FUT8: variants seen among roughly 807,000 people sequenced by gnomAD.
FUT8 encodes the protein alpha-(1,6)-fucosyltransferase.
In FUT8, 29 loss-of-function variants were observed where a neutral mutation model predicts 71.3. The ratio of observed to expected loss-of-function variants is 0.41; its 90% CI spans 0.30 to 0.55. FUT8 has a LOEUF of 0.55. FUT8 is among the 20% of genes least tolerant of loss of function. The pLI, the probability that FUT8 is intolerant of heterozygous loss-of-function variation, is 0.34. For synonymous variants in FUT8, 254 were observed against 239.3 expected (o/e 1.06, Z -0.57); for missense variants, 544 against 702.1 (o/e 0.77, Z 2.55).
intron 7 of FUT8, among the ~76,000 whole-genome samples, chr14:65,719,587 T>G (rs1895301780): frequency 6.6e-6 from 1 of 152,194 alleles, no homozygotes; most frequent in South Asian, 2.1e-4. Context: ...TGTACCTGTC[T>G]TAGAAAGGCT....
rs901066716 is a variant in FUT8, at chr14:65,550,408, A to G, written c.-227-10929A>G. Among the ~76,000 whole-genome samples the G allele has an allele frequency of 6.6e-6, 1 of 152,210 alleles. No homozygotes were observed. The highest frequency in any genetic ancestry group is 6.5e-5 in the Admixed American group (1 of 15,292). ...TTATATTAGCCTACAGTTGGACAAA[A>G]TCATTTAACACAAAACTATTTTGTA... On this transcript the variant is annotated intron_variant, in intron 2 of 10. Transcript: ENST00000673929. This position sits in a 1 kb window ranked among gnomAD's most constrained non-coding sequence, Gnocchi z 4.5.
rs182869171 is a variant in FUT8 at position 65,483,637 on chromosome 14, C to G, written c.-228+27919C>G. Among the ~76,000 whole-genome samples, 20 of 152,192 alleles carry G rather than the reference C, an allele frequency of 1.3e-4. No individual in the cohort carries two copies. The highest frequency in any genetic ancestry group is 7.2e-4 in the Admixed American group (11 of 15,284). On this transcript the variant is annotated intron_variant, in intron 2 of 10. Transcript: ENST00000673929. The surrounding 1 kb of genome is among the most constrained non-coding windows in gnomAD (Gnocchi z 4.4). ...GCAGTATTTTATTGTTTTCAATGTA[C>G]TGATCTTACCCATATTTTATTAGGT...
intron 2 of FUT8, among the ~76,000 whole-genome samples, chr14:65,544,166 G>C (rs1326839342): frequency 6.6e-6 from 1 of 152,126 alleles, no homozygotes. Flanking sequence ...AAGAACAAAG[G>C]CTGCATGTTG....
At chr14:65,475,504 T>C (rs1037475287) in intron 2 of FUT8, among the ~76,000 whole-genome samples, 3 of 152,018 alleles carry the variant, frequency 2.0e-5, no homozygotes, top group African/African-American at 4.8e-5. Context: ...CTTTTGAAGG[T>C]AGAGGCAGAG....
intron 1 of FUT8, among the ~76,000 whole-genome samples, chr14:65,430,576 G>C (rs1452162425): frequency 6.6e-6 from 1 of 152,088 alleles, no homozygotes; most frequent in Non-Finnish European, 1.5e-5. Context: ...CCATTTCTAG[G>C]TTTAGAATTC....
chr14:65,625,297 G>A (rs1889840886), intron 5 of FUT8, among the ~76,000 whole-genome samples: 1 of 152,046 alleles, frequency 6.6e-6, no homozygotes, highest in African/African-American at 2.4e-5. Context: ...CCCTATTATA[G>A]TTAAAGACTT....
At chr14:65,470,791 G>A (rs1015578144) in intron 2 of FUT8, among the ~76,000 whole-genome samples, 1 of 151,946 alleles carries the variant, frequency 6.6e-6, no homozygotes, top group African/African-American at 2.4e-5. Flanking sequence ...AGTGGGCACC[G>A]CTCCCACTTC....
At chr14:65,650,730 C>CAAAAAA (rs374138566) in intron 6 of FUT8, among the ~76,000 whole-genome samples, 28 of 117,180 alleles carry the variant, frequency 2.4e-4, no homozygotes, top group African/African-American at 9.3e-4. Context: ...AAAAAAAAAA[C>CAAAAAA]AAAAAAAACC....
chr14:65,469,936 C>T (rs1024561293), intron 2 of FUT8, among the ~76,000 whole-genome samples: 4 of 152,180 alleles, frequency 2.6e-5, no homozygotes, highest in Admixed American at 1.3e-4. Context: ...ACTGGCAGCC[C>T]GGTCCCCAAC....
At chr14:65,581,595 A>G (rs960106111) in intron 3 of FUT8, among the ~76,000 whole-genome samples, 5 of 152,156 alleles carry the variant, frequency 3.3e-5, no homozygotes, top group Non-Finnish European at 7.4e-5. Context: ...AAGAATGTAA[A>G]TAGAATATTG....
the FUT8 span, among the ~76,000 whole-genome samples, chr14:65,365,040 T>A: frequency 6.6e-6 from 1 of 152,148 alleles, no homozygotes; most frequent in African/African-American, 2.4e-5. Context: ...TAATCTATTC[T>A]CCCTCACTCT....
At chr14:65,364,274 G>A in the FUT8 span, among the ~76,000 whole-genome samples, 6,814 of 150,902 alleles carry the variant, frequency 0.045, 278 homozygotes, top group South Asian at 0.17. Context: ...GTGAGATCTC[G>A]GCTTACTGCA....
At chr14:65,713,891 A>T (rs985950370) in intron 7 of FUT8, among the ~76,000 whole-genome samples, 4 of 151,840 alleles carry the variant, frequency 2.6e-5, no homozygotes, top group Non-Finnish European at 2.9e-5. Flanking sequence ...CCATTTGTCC[A>T]TTTTTGCTTT....
chr14:65,448,505 ACT>A (rs2065776263), intron 1 of FUT8, among the ~76,000 whole-genome samples: 1 of 152,218 alleles, frequency 6.6e-6, no homozygotes, highest in Non-Finnish European at 1.5e-5. Context: ...TAAATATTGT[ACT>A]GTTTGATCCT....
At position 65,467,765 on chromosome 14, in the gene FUT8, T is replaced by G; in HGVS notation, c.-228+12047T>G. 1 of 615,622 alleles carries G rather than the reference T, an allele frequency of 1.6e-6. No homozygotes were observed. The allele number at this position is 615,622 out of a possible 1,614,324, so 38.1% of individuals were successfully genotyped here. A position where few individuals can be genotyped will look rare whatever the true frequency, so the allele number is the denominator to read the frequency against. On this transcript the variant is annotated intron_variant, in intron 2 of 10. Coordinates refer to ENST00000673929, the MANE Select transcript of FUT8 (RefSeq NM_001371533.1). The surrounding 1 kb of genome is among the most constrained non-coding windows in gnomAD (Gnocchi z 4.1). The stretch of plus-strand genomic sequence containing the variant: ...CTGGGATTACAGGTGTGAGCCACCG[T>G]GCCCAGCCAGTCTAGAGGTCTTTTA...
chr14:65,377,447 G>A, the FUT8 span, among the ~76,000 whole-genome samples: 25 of 152,294 alleles, frequency 1.6e-4, no homozygotes, highest in South Asian at 5.0e-3. Context: ...TGGGCATTCT[G>A]TGTTAAATCA....
At chr14:65,451,714 A>G (rs991191142) in intron 1 of FUT8, among the ~76,000 whole-genome samples, 1 of 152,234 alleles carries the variant, frequency 6.6e-6, no homozygotes, top group Admixed American at 6.5e-5. Flanking sequence ...AAAAGGGGAC[A>G]GGGTGGGTAG....
chr14:65,438,497 C>T (rs2065594142), intron 1 of FUT8, among the ~76,000 whole-genome samples: 1 of 152,120 alleles, frequency 6.6e-6, no homozygotes, highest in Non-Finnish European at 1.5e-5. Flanking sequence ...TTTTTTCCAG[C>T]TGCCAACTTA....
chr14:65,451,826 C>G (rs768664764), intron 1 of FUT8, among the ~76,000 whole-genome samples: 1 of 152,182 alleles, frequency 6.6e-6, no homozygotes, highest in African/African-American at 2.4e-5. Context: ...TCTCCAATAT[C>G]TAGCCATCGT....
Sources: gnomAD v4.1 joint callset for allele counts (sites outside exome capture counted in the v4.1 genomes callset) on GRCh38, gnomAD v4.1.1 for gene constraint, Gnocchi (gnomAD v3.1) non-coding constraint, MANE v1.5 for transcripts, NCBI Gene and HGNC (gene_info 2026-07-23, HGNC 2026-07-21) for gene names.